Variants in ABCA13 observed in about 807,000 individuals in gnomAD.
The protein encoded by ABCA13 is ATP binding cassette subfamily A member 13.
ABCA13 carries 476 observed loss-of-function variants against 478.7 expected under a neutral mutation model. That is an observed-to-expected ratio of 0.99 (90% CI 0.92 to 1.07). The LOEUF (loss-of-function observed/expected upper bound fraction) is 1.07. Ranked by LOEUF, ABCA13 falls within the 50% of genes least tolerant of loss-of-function variation. The pLI is 0.00. For synonymous variants in ABCA13, 2,252 were observed against 2,158.9 expected (o/e 1.04, Z -1.20); for missense variants, 6,060 against 5,910.6 (o/e 1.03, Z -0.83).
chr7:48,294,267 T>C (rs1305988768), intron 20 of ABCA13, among the ~76,000 whole-genome samples: 1 of 152,096 alleles, frequency 6.6e-6, no homozygotes, highest in Non-Finnish European at 1.5e-5. Flanking sequence ...AGATTTCCAG[T>C]ATGTAATACA....
At chr7:48,294,447 G>GTT (rs1321103452) in intron 20 of ABCA13, among the ~76,000 whole-genome samples, 1 of 134,226 alleles carries the variant, frequency 7.5e-6, no homozygotes, top group Non-Finnish European at 1.6e-5. Context: ...TTTTTGTTTT[G>GTT]TTTTTTTTTT....
At chr7:48,220,354 G>A (rs1787189302) in intron 4 of ABCA13, among the ~76,000 whole-genome samples, 1 of 152,058 alleles carries the variant, frequency 6.6e-6, no homozygotes, top group Non-Finnish European at 1.5e-5. Flanking sequence ...TTACATACTT[G>A]GGTAAGAAAT....
Position 48,278,666 on chromosome 7 carries a change from T to C in ABCA13, c.7472T>C (p.Val2491Ala). 6.2e-7 allele frequency: 1 copy of C among 1,613,678 alleles called. No homozygotes were observed. The highest frequency in any genetic ancestry group is 1.3e-5 in the African/African-American group (1 of 75,062). The change falls in exon 18 of 62, where the codon GTC becomes GCC. Residue 2491 changes from valine (V) to alanine (A), a missense_variant. By Grantham distance (64) the Val-to-Ala change is moderately conservative (BLOSUM62 0). Coordinates refer to ENST00000435803, the MANE Select transcript of ABCA13 (RefSeq NM_152701.5). ...TCAAGAGCAAGTGAAGAAAGTCACGTCCTGAAACCCCTCTTAGAAATGTCT... is the reference window on the plus strand; with the variant it reads ...TCAAGAGCAAGTGAAGAAAGTCACGCCCTGAAACCCCTCTTAGAAATGTCT... The part of the protein sequence containing the change: ...AISRASEESH[V>A]LKPLLEMSGT...
intron 41 of ABCA13, among the ~76,000 whole-genome samples, chr7:48,425,810 G>A (rs561875127): frequency 1.3e-5 from 2 of 151,976 alleles, no homozygotes; most frequent in African/African-American, 4.8e-5. Flanking sequence ...GCGCAATCTC[G>A]GCTCACTGCA....
intron 28 of ABCA13, 86 bp downstream of exon 28, chr7:48,335,621 T>C (rs1806137236): frequency 5.0e-6 from 5 of 993,712 alleles, no homozygotes; most frequent in Middle Eastern, 2.4e-4. Context: ...TAGAAGATTC[T>C]ACAGAGTCAC....
At chr7:48,312,494 A>G (rs546154307) in intron 24 of ABCA13, among the ~76,000 whole-genome samples, 2 of 152,214 alleles carry the variant, frequency 1.3e-5, no homozygotes, top group African/African-American at 2.4e-5. Flanking sequence ...TGGTGATAGC[A>G]TAAGTAAGCT....
intron 26 of ABCA13, among the ~76,000 whole-genome samples, chr7:48,315,700 G>A (rs113346314): frequency 0.011 from 1,636 of 152,074 alleles, 14 homozygotes; most frequent in Middle Eastern, 0.054. Context: ...GGATGGTCTC[G>A]ATCTCCTGAC....
intron 51 of ABCA13, among the ~76,000 whole-genome samples, chr7:48,512,906 G>GT (rs1341525863): frequency 6.6e-6 from 1 of 152,206 alleles, no homozygotes; most frequent in East Asian, 1.9e-4. Context: ...AACTCAGACC[G>GT]TGTTTGTAAT....
chr7:48,370,704 A>G (rs577279606), intron 32 of ABCA13, among the ~76,000 whole-genome samples: 1 of 152,328 alleles, frequency 6.6e-6, no homozygotes, highest in East Asian at 1.9e-4. Context: ...GATACAACCT[A>G]TCAAAACCTT....
chr7:48,196,338 G>A (rs964673590), intron 2 of ABCA13, among the ~76,000 whole-genome samples: 1 of 152,202 alleles, frequency 6.6e-6, no homozygotes. Flanking sequence ...ATGCAGATGA[G>A]CTTTCCTACA....
chr7:48,242,205 C>T (rs1158504558), intron 10 of ABCA13, among the ~76,000 whole-genome samples: 2 of 151,910 alleles, frequency 1.3e-5, no homozygotes, highest in African/African-American at 4.8e-5. Context: ...GCACTTTAGC[C>T]TAGGATTTTG....
chr7:48,185,429 T>C (rs1796231471), intron 1 of ABCA13, among the ~76,000 whole-genome samples: 2 of 152,182 alleles, frequency 1.3e-5, no homozygotes, highest in Non-Finnish European at 2.9e-5. Flanking sequence ...TCATTAAGTA[T>C]GATAACAACA....
At chr7:48,491,530 T>C (rs1259869179) in intron 48 of ABCA13, among the ~76,000 whole-genome samples, 1 of 152,174 alleles carries the variant, frequency 6.6e-6, no homozygotes. Flanking sequence ...AGTTCAATGG[T>C]GTTTCAGAAA....
At chr7:48,188,047 T>C (rs1207514469) in intron 1 of ABCA13, among the ~76,000 whole-genome samples, 1 of 152,178 alleles carries the variant, frequency 6.6e-6, no homozygotes, top group Admixed American at 6.5e-5. Context: ...AACAGTTTTA[T>C]TTCTCCTTCA....
intron 18 of ABCA13, 75 bp downstream of exon 18, chr7:48,279,995 C>T: frequency 4.3e-6 from 6 of 1,385,914 alleles, no homozygotes; most frequent in Non-Finnish European, 5.7e-6. Context: ...GCAGGAATTA[C>T]AGTGAATCGG....
At chr7:48,620,503 C>T (rs747344728) in intron 59 of ABCA13, among the ~76,000 whole-genome samples, 2 of 152,108 alleles carry the variant, frequency 1.3e-5, no homozygotes, top group Non-Finnish European at 2.9e-5. Context: ...TTAGCACCAT[C>T]CCTGGCCTGT....
intron 42 of ABCA13, among the ~76,000 whole-genome samples, chr7:48,439,657 C>T (rs974868414): frequency 1.3e-5 from 2 of 152,010 alleles, no homozygotes; most frequent in African/African-American, 4.8e-5. Flanking sequence ...ACATAAAGCT[C>T]AAAAACAGGC....
chr7:48,509,208 G>A (rs1831468558), intron 50 of ABCA13, among the ~76,000 whole-genome samples: 2 of 152,104 alleles, frequency 1.3e-5, no homozygotes, highest in African/African-American at 4.8e-5. Context: ...TCTTTACTGA[G>A]GGACACTTGA....
chr7:48,412,571 C>T lies in ABCA13; in HGVS notation c.12447C>T (p.Thr4149=), dbSNP rs1030105003. The T allele has an allele frequency of 6.2e-7, 1 of 1,609,868 alleles. No individual in the cohort carries two copies. The highest frequency in any genetic ancestry group is 1.3e-5 in the African/African-American group (1 of 74,340). The change falls in exon 41 of 62, where the codon ACC becomes ACT. Residue 4149 remains threonine (T), a synonymous_variant. Coordinates refer to ENST00000435803, the MANE Select transcript of ABCA13 (RefSeq NM_152701.5). ...LHLTGYGISD[T]TLEEVFLMLL... ...TGACGGGCTATGGGATCTCAGACACCACCTTAGAAGAGGTACTGAGAAAAC... is the reference window on the plus strand; with the variant it reads ...TGACGGGCTATGGGATCTCAGACACTACCTTAGAAGAGGTACTGAGAAAAC...
Sources: gnomAD v4.1 joint callset for allele counts (sites outside exome capture counted in the v4.1 genomes callset) on GRCh38, gnomAD v4.1.1 for gene constraint, MANE v1.5 for transcripts, NCBI Gene and HGNC (gene_info 2026-07-23, HGNC 2026-07-21) for gene names.